DNAH8: variants seen among roughly 807,000 people sequenced by gnomAD.
DNAH8 encodes the protein axonemal beta dynein heavy chain 8.
In DNAH8, 382 loss-of-function variants were observed where a neutral mutation model predicts 562.1. The observed-to-expected ratio is 0.68, with a 90% confidence interval of 0.63 to 0.74. The LOEUF is 0.74. Ranked by LOEUF, DNAH8 falls within the 30% of genes least tolerant of loss-of-function variation. DNAH8 has a pLI of 0.00. For synonymous variants in DNAH8, 1,881 were observed against 1,919.4 expected (o/e 0.98, Z 0.52); for missense variants, 5,203 against 5,620.4 (o/e 0.93, Z 2.37).
At chr6:38,941,205 G>A (rs1783431363) in intron 79 of DNAH8, among the ~76,000 whole-genome samples, 1 of 152,076 alleles carries the variant, frequency 6.6e-6, no homozygotes, top group Middle Eastern at 3.2e-3. Context: ...CCAAAGCCAT[G>A]GGAATGAAAG....
In DNAH8 at chr6:38,932,300, A is replaced by G. The variant is rs547815509; in HGVS notation, c.11457+307A>G. Among the ~76,000 whole-genome samples the G allele has an allele frequency of 9.7e-4, 148 of 152,184 alleles. 1 individual carries two copies. The highest frequency in any genetic ancestry group is 1.5e-3 in the South Asian group (7 of 4,820). On this transcript the variant is annotated intron_variant, in intron 76 of 92. Transcript: ENST00000327475. The stretch of plus-strand genomic sequence containing the variant: ...GTCCTTGTCTTGGGGACACCTGAAA[A>G]CATCAATAAAACAATGATTGAGAGA...
In DNAH8 at chr6:38,848,756, T is replaced by G. The variant is rs1775505841; in HGVS notation, c.5154T>G (p.Leu1718=). The change falls in exon 37 of 93, where the codon CTT becomes CTG. Residue 1718 remains leucine, a synonymous_variant. Coordinates refer to ENST00000327475, the MANE Select transcript of DNAH8 (RefSeq NM_001206927.2). Reference sequence around the variant, plus strand: ...TAGTACAGAACCTTTGGGTTTATCTTGAAGCCGTCTTTGTAGGTGGAGATA... The same window carrying G: ...TAGTACAGAACCTTTGGGTTTATCTGGAAGCCGTCTTTGTAGGTGGAGATA... ...WLVVQNLWVY[L]EAVFVGGDIA... is the part of the protein sequence containing the mutation. 6.2e-7 allele frequency: 1 copy of G among 1,613,642 alleles called. No individual in the cohort carries two copies.
intron 17 of DNAH8, among the ~76,000 whole-genome samples, chr6:38,784,726 A>G (rs1423749869): frequency 6.6e-6 from 1 of 152,252 alleles, no homozygotes; most frequent in African/African-American, 2.4e-5. Context: ...CCTACAAGGA[A>G]CTATTATTAG....
intron 4 of DNAH8, among the ~76,000 whole-genome samples, chr6:38,730,932 C>A (rs1471148563): frequency 6.6e-6 from 1 of 152,206 alleles, no homozygotes; most frequent in East Asian, 1.9e-4. Context: ...CTTCAGAACA[C>A]CTCCAGCAGA....
At chr6:38,796,836 C>T (rs1770312278) in intron 21 of DNAH8, among the ~76,000 whole-genome samples, 1 of 151,880 alleles carries the variant, frequency 6.6e-6, no homozygotes, top group African/African-American at 2.4e-5. Flanking sequence ...TGAATAAAGC[C>T]CTTTCCCTCC....
At chr6:38,884,803 T>C (rs576043591) in intron 56 of DNAH8, among the ~76,000 whole-genome samples, 13 of 152,172 alleles carry the variant, frequency 8.5e-5, no homozygotes, top group Non-Finnish European at 1.6e-4. Context: ...TATTTAACTG[T>C]GCCACACACC....
At chr6:38,717,774 A>G (rs1006901147) in intron 1 of DNAH8, among the ~76,000 whole-genome samples, 1 of 152,118 alleles carries the variant, frequency 6.6e-6, no homozygotes, top group African/African-American at 2.4e-5. Flanking sequence ...GAAAGCTTAT[A>G]ATGTACTTTA....
chr6:38,836,286 G>A (rs1337382234), intron 32 of DNAH8, among the ~76,000 whole-genome samples: 1 of 151,912 alleles, frequency 6.6e-6, no homozygotes, highest in Non-Finnish European at 1.5e-5. Context: ...ACCCAGGGGT[G>A]TGGTTGCTAA....
At chr6:38,927,983 A>T (rs553246254) in intron 74 of DNAH8, 1 of 152,208 alleles carries the variant, frequency 6.6e-6, no homozygotes, top group Admixed American at 6.5e-5. Flanking sequence ...GTACAAACAC[A>T]TGCAAATGAA....
rs768314175 is a variant in DNAH8, at chr6:38,971,589, C to T, written c.12452-3C>T. ...TCATAGTGAACTTTCTCCTATGTTACAGAATGTAGAACTATCTCAATGGGG... is the reference window on the plus strand; with the variant it reads ...TCATAGTGAACTTTCTCCTATGTTATAGAATGTAGAACTATCTCAATGGGG... On this transcript the variant is annotated splice_polypyrimidine_tract_variant and splice_region_variant and intron_variant, in intron 82 of 92. Transcript: ENST00000327475. 6.5e-7 allele frequency: 1 copy of T among 1,543,866 alleles called. No homozygotes were observed. The highest frequency in any genetic ancestry group is 1.3e-5 in the South Asian group (1 of 78,286).
Position 38,874,068 on chromosome 6 carries a change from TTTTCTTTC to T in DNAH8, c.7620+714_7620+721del, listed in dbSNP as rs1554124175. Among the ~76,000 whole-genome samples the T allele has an allele frequency of 8.8e-5, 5 of 57,076 alleles. 1 individual carries two copies. The highest frequency in any genetic ancestry group is 1.8e-4 in the Non-Finnish European group (5 of 28,482). The allele number at this position is 57,076 out of a possible 152,430, so 37.4% of individuals were successfully genotyped here. ...TTTCTTTCTTTCTTTCTTTCTTTCT[TTTTCTTTC>T]TTTCTTTCTTTCTTTCTTTCTCTTT... On this transcript the variant is annotated intron_variant, in intron 52 of 92. Transcript: ENST00000327475.
chr6:38,805,388 A>G lies in DNAH8; in HGVS notation c.3035-93A>G, dbSNP rs2150301917. The G allele has an allele frequency of 7.9e-6, 6 of 760,180 alleles. No homozygotes were observed. In the Middle Eastern group the frequency reaches 7.1e-4, roughly 90 times the overall value. The allele number at this position is 760,180 out of a possible 1,614,324, so 47.1% of individuals were successfully genotyped here. On this transcript the variant is annotated intron_variant, in intron 22 of 92. Coordinates refer to ENST00000327475, the MANE Select transcript of DNAH8 (RefSeq NM_001206927.2). ...ACAGTTTTAAAAGTAAGAGCTTTTT[A>G]AAAAGGAACTTCCTAAGAGGATTTG...
chr6:38,828,093 A>G (rs944044943), intron 29 of DNAH8, 91 bp from the exon 30 acceptor site: 5 of 812,074 alleles, frequency 6.2e-6, no homozygotes, highest in African/African-American at 3.6e-5. Flanking sequence ...GTCTTCTTCT[A>G]AGACATAGGA....
At position 38,982,450 on chromosome 6, in the gene DNAH8, C is replaced by A; in HGVS notation, c.12939C>A (p.Cys4313Ter). ...VQFIQNHLDE[C>*]DIKKGVSWNT... The stretch of plus-strand genomic sequence containing the variant: ...TTATTCAGAATCACCTTGATGAATG[C>A]GATATTAAGAAAGTGAGTGAAATTA... Residue 4313 changes from cysteine to a stop codon, truncating the protein, a stop_gained, in exon 86 of 93, where the codon TGC becomes TGA. Coordinates refer to ENST00000327475, the MANE Select transcript of DNAH8 (RefSeq NM_001206927.2). LOFTEE classifies it high-confidence loss of function. 3 of 1,510,320 alleles carry A rather than the reference C, an allele frequency of 2.0e-6. No individual in the cohort carries two copies. Among genetic ancestry groups the A allele is most frequent in the Non-Finnish European group, 1.8e-6 (2 of 1,086,414 alleles). 93.6% of individuals were successfully genotyped at this position (1,510,320 alleles called of 1,614,324 possible). A position where few individuals can be genotyped will look rare whatever the true frequency, so the allele number is the denominator to read the frequency against.
intron 82 of DNAH8, among the ~76,000 whole-genome samples, chr6:38,971,051 A>C (rs557124879): frequency 2.6e-5 from 4 of 152,304 alleles, no homozygotes; most frequent in African/African-American, 9.6e-5. Context: ...TACCCGTCAC[A>C]GGGCTGAACT....
chr6:38,884,612 G>A (rs2150471371), intron 56 of DNAH8, among the ~76,000 whole-genome samples: 1 of 152,192 alleles, frequency 6.6e-6, no homozygotes, highest in South Asian at 2.1e-4. Flanking sequence ...GTTTTCTACA[G>A]CAAATGCCTC....
intron 85 of DNAH8, among the ~76,000 whole-genome samples, chr6:38,977,273 G>A (rs543516866): frequency 1.3e-5 from 2 of 152,114 alleles, no homozygotes; most frequent in South Asian, 2.1e-4. Context: ...AGGCAACGCC[G>A]CACTAAGCTC....
intron 58 of DNAH8, 149 bp downstream of exon 58, chr6:38,890,910 C>G: frequency 1.7e-6 from 1 of 603,220 alleles, no homozygotes; most frequent in Non-Finnish European, 3.0e-6. Context: ...TTTACAACAC[C>G]TTTTCCTTCC....
At chr6:38,895,516 TTTAAAG>T (rs1437539572) in intron 59 of DNAH8, among the ~76,000 whole-genome samples, 2 of 152,216 alleles carry the variant, frequency 1.3e-5, no homozygotes, top group Non-Finnish European at 2.9e-5. Context: ...GTTTCATCCC[TTTAAAG>T]TTAAACAATC....
Sources: gnomAD v4.1 joint callset for allele counts (sites outside exome capture counted in the v4.1 genomes callset) on GRCh38, gnomAD v4.1.1 for gene constraint, MANE v1.5 for transcripts, NCBI Gene and HGNC (gene_info 2026-07-23, HGNC 2026-07-21) for gene names.